JMJD1C: variants seen among roughly 807,000 people sequenced by gnomAD.
JMJD1C encodes the protein jumonji domain containing 1C.
Under a neutral mutation model 245.3 loss-of-function variants are expected in JMJD1C, and 31 were observed. That is an observed-to-expected ratio of 0.13 (90% confidence interval 0.09 to 0.17). The LOEUF (loss-of-function observed/expected upper bound fraction) is 0.17. JMJD1C is among the 10% of genes least tolerant of loss of function. JMJD1C has a pLI of 1.00. For synonymous variants in JMJD1C, 1,057 were observed against 1,017.4 expected (o/e 1.04, Z -0.74); for missense variants, 2,691 against 3,000.2 (o/e 0.90, Z 2.41).
At chr10:63,210,653 G>T (rs911081947) in intron 8 of JMJD1C, among the ~76,000 whole-genome samples, 1 of 152,124 alleles carries the variant, frequency 6.6e-6, no homozygotes, top group Non-Finnish European at 1.5e-5. Context: ...CCTCTAGCTA[G>T]CTTATCTTTG....
At chr10:63,439,243 G>T (rs1951224019) in intron 1 of JMJD1C, among the ~76,000 whole-genome samples, 1 of 152,112 alleles carries the variant, frequency 6.6e-6, no homozygotes, top group South Asian at 2.1e-4. Context: ...TGTATTTTTA[G>T]ACCTCAGTAG....
intron 11 of JMJD1C, 92 bp from the exon 12 acceptor site, chr10:63,198,819 T>A (rs1845717599): frequency 6.2e-6 from 4 of 642,640 alleles, no homozygotes. Flanking sequence ...ATGTTTACAT[T>A]GCATTATAAA....
At chr10:63,230,569 A>C (rs1258466902) in intron 3 of JMJD1C, among the ~76,000 whole-genome samples, 1 of 152,102 alleles carries the variant, frequency 6.6e-6, no homozygotes, top group Non-Finnish European at 1.5e-5. Context: ...TTGGAGCTTT[A>C]AGTTGCATTC....
At chr10:63,506,763 T>C (rs1954731721) in intron 1 of JMJD1C, among the ~76,000 whole-genome samples, 1 of 152,144 alleles carries the variant, frequency 6.6e-6, no homozygotes, top group South Asian at 2.1e-4. Flanking sequence ...GAACCTACAG[T>C]GACCCAGTAT....
chr10:63,350,257 A>C (rs973912868), intron 2 of JMJD1C, among the ~76,000 whole-genome samples: 1 of 152,130 alleles, frequency 6.6e-6, no homozygotes, highest in Non-Finnish European at 1.5e-5. Flanking sequence ...AGCTATTCTC[A>C]CCCAATATCA....
At chr10:63,435,373 G>A in intron 1 of JMJD1C, among the ~76,000 whole-genome samples, 1 of 152,068 alleles carries the variant, frequency 6.6e-6, no homozygotes, top group East Asian at 1.9e-4. Context: ...AAGTGGGAGG[G>A]AATGACTGAA....
In JMJD1C at chr10:63,416,838, C is replaced by T. The variant is rs559351234; in HGVS notation, c.169-36356G>A. On this transcript the variant is annotated intron_variant, in intron 1 of 25. Coordinates refer to ENST00000399262, the MANE Select transcript of JMJD1C (RefSeq NM_032776.3). Reference sequence around the variant, plus strand: ...ATTCATCAAATATGTATACAAAACTCTAATTTTCCTTTGGTAAAAACTAAA... The same window carrying T: ...ATTCATCAAATATGTATACAAAACTTTAATTTTCCTTTGGTAAAAACTAAA... Among the ~76,000 whole-genome samples, 4 of 152,266 alleles carry T rather than the reference C, an allele frequency of 2.6e-5. No homozygotes were observed. The South Asian group carries it at 8.3e-4, about 32-fold the overall frequency.
chr10:63,414,082 G>A (rs1313545948), intron 1 of JMJD1C, among the ~76,000 whole-genome samples: 3 of 151,600 alleles, frequency 2.0e-5, no homozygotes, highest in Non-Finnish European at 2.9e-5. Flanking sequence ...CACCTCCTGG[G>A]TTCATGCCAT....
chr10:63,200,464 A>AT lies in JMJD1C; in HGVS notation c.5276+11dup. ...TAAATTACTTTTTTCCCAATCTCAT[A>AT]TTTTCACTTACCGTCTAAAGTAGTA... On this transcript the variant is annotated intron_variant, in intron 11 of 25. Coordinates refer to ENST00000399262, the MANE Select transcript of JMJD1C (RefSeq NM_032776.3). 6.3e-7 allele frequency: 1 copy of AT among 1,599,160 alleles called. No individual in the cohort carries two copies. Among genetic ancestry groups the AT allele is most frequent in the Non-Finnish European group, 8.6e-7 (1 of 1,167,174 alleles).
intron 2 of JMJD1C, among the ~76,000 whole-genome samples, chr10:63,365,928 G>A (rs140343536): frequency 8.3e-4 from 126 of 152,260 alleles, no homozygotes; most frequent in African/African-American, 2.9e-3. Context: ...GTTTTTGTTC[G>A]TCTGGGGGCT....
chr10:63,292,231 T>A (rs1222465255), intron 2 of JMJD1C, among the ~76,000 whole-genome samples: 1 of 144,790 alleles, frequency 6.9e-6, no homozygotes, highest in African/African-American at 2.6e-5. Flanking sequence ...AGTGCTGGGA[T>A]TACAGATGTG....
At chr10:63,474,893 A>G (rs1953611623) in intron 1 of JMJD1C, among the ~76,000 whole-genome samples, 1 of 152,210 alleles carries the variant, frequency 6.6e-6, no homozygotes, top group Non-Finnish European at 1.5e-5. Context: ...GTAATACGGA[A>G]AATGTGACAA....
At chr10:63,258,372 T>C (rs2133714133) in intron 3 of JMJD1C, among the ~76,000 whole-genome samples, 1 of 152,348 alleles carries the variant, frequency 6.6e-6, no homozygotes, top group Admixed American at 6.5e-5. Flanking sequence ...ATCAATTAGC[T>C]GCTTCTGATA....
At position 63,190,280 on chromosome 10, in the gene JMJD1C, T is replaced by C. The variant is rs1000195809; in HGVS notation, c.6291+614A>G. Reference sequence around the variant, plus strand: ...AGTGTAGTGGCGTGATCTCGGCTCATTGCAACCTCCGCCTCCTGGGTTTAA... The same window carrying C: ...AGTGTAGTGGCGTGATCTCGGCTCACTGCAACCTCCGCCTCCTGGGTTTAA... On this transcript the variant is annotated intron_variant, in intron 17 of 25. Transcript: ENST00000399262. Among the ~76,000 whole-genome samples, 29 of 151,960 alleles carry C rather than the reference T, an allele frequency of 1.9e-4. No homozygotes were observed. The East Asian group carries it at 5.4e-3, about 29-fold the overall frequency.
At chr10:63,456,209 G>A (rs1952401192) in intron 1 of JMJD1C, among the ~76,000 whole-genome samples, 3 of 151,948 alleles carry the variant, frequency 2.0e-5, no homozygotes, top group Non-Finnish European at 2.9e-5. Context: ...GAAAATTATG[G>A]CAATAAAATG....
intron 1 of JMJD1C, among the ~76,000 whole-genome samples, chr10:63,485,912 G>A (rs887372301): frequency 1.3e-5 from 2 of 151,892 alleles, no homozygotes. Context: ...AGCACAGTAG[G>A]GACAAGACAA....
intron 24 of JMJD1C, among the ~76,000 whole-genome samples, chr10:63,172,600 TA>T (rs1266414373): frequency 6.6e-6 from 1 of 151,738 alleles, no homozygotes; most frequent in Non-Finnish European, 1.5e-5. Context: ...GCAAAGTGAG[TA>T]AATTATAAAG....
At chr10:63,283,056 C>T (rs1018428762) in intron 2 of JMJD1C, among the ~76,000 whole-genome samples, 2 of 152,154 alleles carry the variant, frequency 1.3e-5, no homozygotes, top group African/African-American at 2.4e-5. Context: ...CACTGAAGTC[C>T]TGTCCCTCTA....
chr10:63,234,442 C>G (rs1210161621), intron 3 of JMJD1C, among the ~76,000 whole-genome samples: 1 of 138,928 alleles, frequency 7.2e-6, no homozygotes, highest in Non-Finnish European at 1.5e-5. Flanking sequence ...TGCAGTGAGC[C>G]ACGATCGCAC....
Sources: allele counts gnomAD v4.1 joint callset (sites outside exome capture counted in the v4.1 genomes callset), GRCh38; gene constraint gnomAD v4.1.1; transcripts MANE v1.5; gene names NCBI Gene and HGNC (gene_info 2026-07-23, HGNC 2026-07-21).